The following DYNC1I1 variants were observed in gnomAD, a reference collection of about 807,000 sequenced individuals.
DYNC1I1 encodes the protein dynein cytoplasmic 1 intermediate chain 1, also known as cytoplasmic dynein 1 intermediate chain 1.
A neutral mutation model predicts 86.6 loss-of-function variants in DYNC1I1; 43 were observed. The ratio of observed to expected loss-of-function variants is 0.50; its 90% CI spans 0.39 to 0.64. The LOEUF (loss-of-function observed/expected upper bound fraction) is 0.64. DYNC1I1 is among the 30% of genes least tolerant of loss of function. The probability of loss-of-function intolerance (pLI) is 0.00; values close to 1 mark genes in which losing one functional copy is unlikely to be tolerated. For missense variants in DYNC1I1, 604 were observed against 788.8 expected (o/e 0.77, Z 2.81); for synonymous variants, 262 against 283.7 (o/e 0.92, Z 0.77).
At chr7:96,059,852 A>G (rs1209493623) in intron 14 of DYNC1I1, among the ~76,000 whole-genome samples, 2 of 152,190 alleles carry the variant, frequency 1.3e-5, no homozygotes, top group Non-Finnish European at 2.9e-5. Flanking sequence ...AACAACAACA[A>G]AAAACTGAAC....
At chr7:95,790,515 A>C (rs1175762666) in intron 1 of DYNC1I1, among the ~76,000 whole-genome samples, 1 of 152,184 alleles carries the variant, frequency 6.6e-6, no homozygotes, top group Non-Finnish European at 1.5e-5. Context: ...ACTTTCTTTC[A>C]CTGCTTTCTT....
intron 6 of DYNC1I1, among the ~76,000 whole-genome samples, chr7:95,909,587 AG>A (rs1791274525): frequency 1.3e-5 from 2 of 152,168 alleles, no homozygotes; most frequent in African/African-American, 4.8e-5. Context: ...AGAAGGAATG[AG>A]GGTGAAGCTG....
At chr7:95,923,634 G>A (rs1791668525) in intron 6 of DYNC1I1, among the ~76,000 whole-genome samples, 1 of 152,038 alleles carries the variant, frequency 6.6e-6, no homozygotes, top group Admixed American at 6.6e-5. Context: ...AATCATTTTT[G>A]TGGGATAACA....
At chr7:95,959,298 G>T (rs1298217402) in intron 6 of DYNC1I1, among the ~76,000 whole-genome samples, 1 of 152,134 alleles carries the variant, frequency 6.6e-6, no homozygotes, top group Non-Finnish European at 1.5e-5. Context: ...GGCACAACAG[G>T]GCCTTTTAGC....
chr7:96,071,305 C>T (rs1790151028), intron 14 of DYNC1I1, among the ~76,000 whole-genome samples: 1 of 151,456 alleles, frequency 6.6e-6, no homozygotes, highest in South Asian at 2.1e-4. Context: ...CTATCCTTAC[C>T]ACAGGGTAAC....
At chr7:96,022,264 C>T (rs1386561112) in intron 10 of DYNC1I1, among the ~76,000 whole-genome samples, 2 of 152,098 alleles carry the variant, frequency 1.3e-5, no homozygotes, top group Admixed American at 1.3e-4. Context: ...AGCATAAAAG[C>T]CAGGACAAGG....
chr7:96,104,072 G>A (rs1018516570), intron 16 of DYNC1I1, among the ~76,000 whole-genome samples: 1 of 152,054 alleles, frequency 6.6e-6, no homozygotes, highest in Non-Finnish European at 1.5e-5. Flanking sequence ...GTGATTATTG[G>A]CCACATTTAA....
intron 6 of DYNC1I1, among the ~76,000 whole-genome samples, chr7:95,945,191 A>G (rs542025885): frequency 1.3e-5 from 2 of 152,170 alleles, no homozygotes; most frequent in South Asian, 4.1e-4. Flanking sequence ...TGTAAAATAA[A>G]TTGTATGTAT....
chr7:96,094,090 T>C (rs1335677658), intron 16 of DYNC1I1, among the ~76,000 whole-genome samples: 1 of 152,198 alleles, frequency 6.6e-6, no homozygotes, highest in Non-Finnish European at 1.5e-5. Flanking sequence ...GTGAAGTTTT[T>C]TTAATGCCAG....
intron 16 of DYNC1I1, among the ~76,000 whole-genome samples, chr7:96,090,775 C>T (rs1790816080): frequency 6.6e-6 from 1 of 152,198 alleles, no homozygotes; most frequent in Non-Finnish European, 1.5e-5. Context: ...ACTAATGTAA[C>T]TCCTACTTTG....
At chr7:95,940,032 T>C (rs319291) in intron 6 of DYNC1I1, among the ~76,000 whole-genome samples, 59,262 of 151,346 alleles carry the variant, frequency 0.39, 12,322 homozygotes, top group Non-Finnish European at 0.47. Context: ...GTCTGTAAAG[T>C]ATTTTATTTC....
chr7:96,098,366 A>G lies in DYNC1I1; in HGVS notation c.*773A>G. ...TTCTCACTGAAGCTAACACAGTCTG[A>G]CAAAAGTCTATGGTTCCTAAATATG... On this transcript the variant is annotated 3_prime_UTR_variant, in exon 17 of 17. Coordinates refer to ENST00000447467, the MANE Select transcript of DYNC1I1 (RefSeq NM_001135556.2). 4.1e-6 allele frequency: 4 copies of G among 985,642 alleles called. No individual in the cohort carries two copies. The highest frequency in any genetic ancestry group is 4.8e-6 in the Non-Finnish European group (4 of 829,938). 61.1% of individuals were successfully genotyped at this position (985,642 alleles called of 1,614,324 possible).
intron 6 of DYNC1I1, among the ~76,000 whole-genome samples, chr7:95,875,619 TA>T (rs1363861009): frequency 6.6e-6 from 1 of 152,214 alleles, no homozygotes; most frequent in Non-Finnish European, 1.5e-5. Flanking sequence ...AGATGAGGTT[TA>T]CATGATCTAA....
At chr7:96,036,283 C>T (rs1341244252) in intron 13 of DYNC1I1, among the ~76,000 whole-genome samples, 1 of 152,154 alleles carries the variant, frequency 6.6e-6, no homozygotes. Context: ...TATTCATTCA[C>T]TCTTCCAAGG....
At chr7:96,081,720 C>G (rs1158299754) in intron 16 of DYNC1I1, among the ~76,000 whole-genome samples, 2 of 152,138 alleles carry the variant, frequency 1.3e-5, no homozygotes, top group African/African-American at 4.8e-5. Context: ...TTTCATCAAT[C>G]AGCATTCTAT....
chr7:96,037,150 G>A (rs2299278), intron 13 of DYNC1I1, among the ~76,000 whole-genome samples: 94,234 of 152,016 alleles, frequency 0.62, 29,732 homozygotes, highest in African/African-American at 0.75. Context: ...TGTTCTGCAC[G>A]TAGAAACAAG....
intron 6 of DYNC1I1, among the ~76,000 whole-genome samples, chr7:95,908,581 T>C (rs1442425213): frequency 6.6e-6 from 1 of 152,186 alleles, no homozygotes; most frequent in Non-Finnish European, 1.5e-5. Context: ...TTTTTCTAGC[T>C]AATCTGTAGG....
At chr7:96,025,870 G>T (rs1408020648) in intron 10 of DYNC1I1, among the ~76,000 whole-genome samples, 2 of 151,938 alleles carry the variant, frequency 1.3e-5, no homozygotes, top group Non-Finnish European at 2.9e-5. Context: ...GGATTTAGCT[G>T]AAACACAGAA....
intron 6 of DYNC1I1, among the ~76,000 whole-genome samples, chr7:95,948,935 T>C (rs1367314137): frequency 6.6e-6 from 1 of 152,156 alleles, no homozygotes; most frequent in African/African-American, 2.4e-5. Flanking sequence ...GTCAGGTTTA[T>C]AGGATGATGT....
Sources: allele counts gnomAD v4.1 joint callset (sites outside exome capture counted in the v4.1 genomes callset), GRCh38; gene constraint gnomAD v4.1.1; transcripts MANE v1.5; gene names NCBI Gene and HGNC (gene_info 2026-07-23, HGNC 2026-07-21).